CTNNA2: variants seen among roughly 807,000 people sequenced by gnomAD.
CTNNA2 encodes catenin alpha-2.
CTNNA2 carries 42 observed loss-of-function variants against 101.0 expected under a neutral mutation model. The ratio of observed to expected loss-of-function variants is 0.42; its 90% CI spans 0.32 to 0.54. The LOEUF is 0.54. Ranked by LOEUF, CTNNA2 falls within the 20% of genes least tolerant of loss-of-function variation. The pLI is 0.14. For synonymous variants in CTNNA2, 450 were observed against 456.4 expected (o/e 0.99, Z 0.18); for missense variants, 871 against 1,223.1 (o/e 0.71, Z 4.29).
At chr2:79,937,421 C>T (rs564780418) in intron 7 of CTNNA2, among the ~76,000 whole-genome samples, 2 of 152,338 alleles carry the variant, frequency 1.3e-5, no homozygotes, top group East Asian at 3.9e-4. Flanking sequence ...ACTTAGCATT[C>T]TGCATGTAGT....
chr2:80,407,757 G>A (rs1426349077), intron 8 of CTNNA2, among the ~76,000 whole-genome samples: 1 of 152,226 alleles, frequency 6.6e-6, no homozygotes, highest in Non-Finnish European at 1.5e-5. Flanking sequence ...TGGGAATGTG[G>A]AGTAATCATT....
chr2:79,639,779 C>T (rs1162233562), intron 1 of CTNNA2, among the ~76,000 whole-genome samples: 1 of 151,996 alleles, frequency 6.6e-6, no homozygotes, highest in African/African-American at 2.4e-5. Flanking sequence ...TCAAATGACT[C>T]TAGTAACAAA....
chr2:80,028,618 G>T (rs1232822491), intron 7 of CTNNA2, among the ~76,000 whole-genome samples: 1 of 152,216 alleles, frequency 6.6e-6, no homozygotes, highest in Non-Finnish European at 1.5e-5. Context: ...GTGAATTAAG[G>T]TTGCAAATGG....
intron 7 of CTNNA2, among the ~76,000 whole-genome samples, chr2:80,010,898 T>A (rs1241165896): frequency 6.6e-6 from 1 of 152,160 alleles, no homozygotes; most frequent in East Asian, 1.9e-4. Flanking sequence ...AAATTGAAGA[T>A]CTTCGAAATC....
intron 1 of CTNNA2, among the ~76,000 whole-genome samples, chr2:79,517,991 T>A (rs1359607693): frequency 6.6e-6 from 1 of 152,134 alleles, no homozygotes; most frequent in Non-Finnish European, 1.5e-5. Flanking sequence ...TGAGACAGAA[T>A]GAATTAATTG....
chr2:80,081,410 A>G (rs538142783), intron 7 of CTNNA2, among the ~76,000 whole-genome samples: 235 of 152,194 alleles, frequency 1.5e-3, no homozygotes, highest in African/African-American at 5.3e-3. Context: ...GATGGTATGT[A>G]TCTCCAACAA....
At chr2:79,402,218 G>A (rs1678297127) in intron 4 of CTNNA2, among the ~76,000 whole-genome samples, 1 of 151,800 alleles carries the variant, frequency 6.6e-6, no homozygotes, top group South Asian at 2.1e-4. Flanking sequence ...GGAGAACTCA[G>A]TACTTCACTT....
At position 80,089,788 on chromosome 2, in the gene CTNNA2, C is replaced by T. The variant is rs186007982; in HGVS notation, c.1056+179991C>T. On this transcript the variant is annotated intron_variant, in intron 7 of 18. Coordinates refer to ENST00000402739, the MANE Select transcript of CTNNA2 (RefSeq NM_001282597.3). ...AGGGAAGATCCAAGGGACTCTTTTC[C>T]CAGTGTCCTCATCTTGCCAGCCAGC... 1.1e-3 allele frequency among the ~76,000 whole-genome samples: 169 copies of T among 151,958 alleles called. 1 individual carries two copies. The highest frequency in any genetic ancestry group is 0.01 in the Admixed American group (153 of 15,238).
chr2:79,198,704 C>T (rs748986910), intron 2 of CTNNA2, among the ~76,000 whole-genome samples: 1 of 137,220 alleles, frequency 7.3e-6, no homozygotes, highest in Non-Finnish European at 1.6e-5. Flanking sequence ...TCAAATATTA[C>T]TTGAGCTACT....
chr2:79,786,042 A>G (rs1331576941), intron 3 of CTNNA2, among the ~76,000 whole-genome samples: 3 of 152,178 alleles, frequency 2.0e-5, no homozygotes, highest in African/African-American at 2.4e-5. Flanking sequence ...GTGGTCTTGC[A>G]TATTCCATAG....
intron 7 of CTNNA2, among the ~76,000 whole-genome samples, chr2:79,998,829 G>A (rs1692732305): frequency 1.3e-5 from 2 of 152,038 alleles, no homozygotes; most frequent in Non-Finnish European, 2.9e-5. Flanking sequence ...CAACCCCCAG[G>A]AGAAACCACA....
chr2:79,396,427 G>A (rs1678231793), intron 4 of CTNNA2, among the ~76,000 whole-genome samples: 1 of 152,138 alleles, frequency 6.6e-6, no homozygotes, highest in Non-Finnish European at 1.5e-5. Context: ...CCAAAGTGCT[G>A]GGATTACAAG....
chr2:79,213,948 T>C (rs189176408), intron 2 of CTNNA2, among the ~76,000 whole-genome samples: 198 of 152,246 alleles, frequency 1.3e-3, no homozygotes, highest in African/African-American at 4.4e-3. Context: ...ACATGAGGGC[T>C]AGGCTAAAAC....
chr2:80,328,865 A>G (rs931347606), intron 7 of CTNNA2, among the ~76,000 whole-genome samples: 2 of 152,184 alleles, frequency 1.3e-5, no homozygotes, highest in Non-Finnish European at 2.9e-5. Context: ...TCCCAGCACC[A>G]TTACGGAATA....
chr2:79,739,162 G>T (rs1671108932), intron 2 of CTNNA2, among the ~76,000 whole-genome samples: 2 of 144,686 alleles, frequency 1.4e-5, no homozygotes, highest in African/African-American at 2.6e-5. Context: ...AGTGATCCTT[G>T]CCTTGAGTGG....
chr2:80,369,006 C>T (rs1675209971), intron 7 of CTNNA2, among the ~76,000 whole-genome samples: 1 of 151,524 alleles, frequency 6.6e-6, no homozygotes, highest in Non-Finnish European at 1.5e-5. Flanking sequence ...TTTCTTGAAC[C>T]CTATGTCTAA....
At chr2:79,205,900 C>A (rs986895584) in intron 2 of CTNNA2, among the ~76,000 whole-genome samples, 4 of 152,140 alleles carry the variant, frequency 2.6e-5, no homozygotes, top group Non-Finnish European at 5.9e-5. Flanking sequence ...TGTCTGAGAT[C>A]TCTCAATATA....
At chr2:79,455,219 G>A (rs920942085) in intron 4 of CTNNA2, among the ~76,000 whole-genome samples, 1 of 152,176 alleles carries the variant, frequency 6.6e-6, no homozygotes, top group African/African-American at 2.4e-5. Context: ...TCCTCCATAT[G>A]CATAGTCAAA....
At chr2:79,519,683 A>T (rs1159929171) in intron 1 of CTNNA2, among the ~76,000 whole-genome samples, 1 of 152,156 alleles carries the variant, frequency 6.6e-6, no homozygotes, top group African/African-American at 2.4e-5. Flanking sequence ...AGGAAAAAAA[A>T]ACTTCACCTT....
Sources: gnomAD v4.1 joint callset for allele counts (sites outside exome capture counted in the v4.1 genomes callset) on GRCh38, gnomAD v4.1.1 for gene constraint, MANE v1.5 for transcripts, NCBI Gene and HGNC (gene_info 2026-07-23, HGNC 2026-07-21) for gene names.